The following ANXA13 variants were observed in gnomAD, a reference collection of about 807,000 sequenced individuals.
ANXA13 encodes annexin XIII.
A neutral mutation model predicts 46.6 loss-of-function variants in ANXA13; 36 were observed. The ratio of observed to expected loss-of-function variants is 0.77; its 90% CI spans 0.59 to 1.02. ANXA13 has a LOEUF of 1.02. Ranked by LOEUF, ANXA13 falls within the 50% of genes least tolerant of loss-of-function variation. The pLI is 0.00. For synonymous variants in ANXA13, 163 were observed against 152.9 expected, an observed-to-expected ratio of 1.07 and a Z score of -0.49; for missense variants, 417 against 396.5, an observed-to-expected ratio of 1.05 and a Z score of -0.44.
At chr8:123,720,839 G>C (rs1813854458) in intron 1 of ANXA13, among the ~76,000 whole-genome samples, 1 of 152,132 alleles carries the variant, frequency 6.6e-6, no homozygotes, top group Non-Finnish European at 1.5e-5. Context: ...CGCCTCATGT[G>C]ATCCTTCAGT....
chr8:123,722,272 T>G (rs1467911682), intron 1 of ANXA13, among the ~76,000 whole-genome samples: 1 of 149,606 alleles, frequency 6.7e-6, no homozygotes, highest in Non-Finnish European at 1.5e-5. Flanking sequence ...GTGGTTGCAC[T>G]ACTACACTCC....
chr8:123,701,554 T>C (rs969363157), intron 3 of ANXA13, among the ~76,000 whole-genome samples: 1 of 152,188 alleles, frequency 6.6e-6, no homozygotes, highest in Non-Finnish European at 1.5e-5. Flanking sequence ...GAACTGAAGA[T>C]GCACTTATTT....
At chr8:123,704,889 C>T (rs1344011145) in intron 2 of ANXA13, among the ~76,000 whole-genome samples, 1 of 152,204 alleles carries the variant, frequency 6.6e-6, no homozygotes, top group African/African-American at 2.4e-5. Context: ...CGACTTTCGC[C>T]CTTTGACTGA....
chr8:123,686,712 G>C (rs1402255716), intron 9 of ANXA13, among the ~76,000 whole-genome samples: 2 of 152,116 alleles, frequency 1.3e-5, no homozygotes, highest in Non-Finnish European at 2.9e-5. Flanking sequence ...TGATTCCAAG[G>C]TAGGGGGTCC....
At chr8:123,693,362 G>T in intron 7 of ANXA13, 64 bp from the exon 8 acceptor site, 2 of 1,415,976 alleles carry the variant, frequency 1.4e-6, no homozygotes. Context: ...ATGCAGTGCT[G>T]TGACTAGGCC....
intron 1 of ANXA13, among the ~76,000 whole-genome samples, chr8:123,724,534 G>A (rs769734129): frequency 4.7e-4 from 71 of 152,220 alleles, no homozygotes; most frequent in Admixed American, 6.5e-4. Context: ...AAAGGAGGAA[G>A]ACAACTTAGA....
At chr8:123,732,717 A>G (rs1430694081) in intron 1 of ANXA13, among the ~76,000 whole-genome samples, 3 of 151,374 alleles carry the variant, frequency 2.0e-5, no homozygotes, top group Non-Finnish European at 4.4e-5. Flanking sequence ...CCAAAAGGCC[A>G]AGATTGCATA....
intron 3 of ANXA13, among the ~76,000 whole-genome samples, chr8:123,701,416 G>A (rs1025365042): frequency 6.6e-6 from 1 of 152,160 alleles, no homozygotes; most frequent in African/African-American, 2.4e-5. Flanking sequence ...GTTACAGTGA[G>A]CCAAGATTAT....
intron 1 of ANXA13, among the ~76,000 whole-genome samples, chr8:123,725,719 T>C (rs1338813323): frequency 1.3e-5 from 2 of 152,236 alleles, no homozygotes; most frequent in East Asian, 3.8e-4. Context: ...TAAGCACAGT[T>C]TGAATACGAA....
chr8:123,720,409 T>C (rs1316060027), intron 1 of ANXA13, among the ~76,000 whole-genome samples: 1 of 152,176 alleles, frequency 6.6e-6, no homozygotes, highest in African/African-American at 2.4e-5. Flanking sequence ...CTGTTACCAT[T>C]GCCACTGTTG....
chr8:123,686,952 C>G (rs986671056), intron 9 of ANXA13, among the ~76,000 whole-genome samples: 3 of 152,136 alleles, frequency 2.0e-5, no homozygotes, highest in Admixed American at 2.0e-4. Context: ...GAGTACAGCT[C>G]TCTCTTGGAC....
chr8:123,687,207 C>A (rs1813156818), intron 9 of ANXA13, among the ~76,000 whole-genome samples: 2 of 152,094 alleles, frequency 1.3e-5, no homozygotes. Context: ...GTTTTAATAC[C>A]ATCTTCTGAC....
chr8:123,731,056 C>T (rs1814107846), intron 1 of ANXA13, among the ~76,000 whole-genome samples: 1 of 152,232 alleles, frequency 6.6e-6, no homozygotes, highest in South Asian at 2.1e-4. Flanking sequence ...TATGCTTCAA[C>T]TGTCATTCTC....
At chr8:123,723,121 G>C (rs1164952823) in intron 1 of ANXA13, among the ~76,000 whole-genome samples, 1 of 152,192 alleles carries the variant, frequency 6.6e-6, no homozygotes, top group Non-Finnish European at 1.5e-5. Flanking sequence ...CTCCCTGCTT[G>C]ACAGAATCTA....
chr8:123,725,384 C>A (rs1813963576), intron 1 of ANXA13, among the ~76,000 whole-genome samples: 1 of 152,152 alleles, frequency 6.6e-6, no homozygotes, highest in South Asian at 2.1e-4. Context: ...CTCAGGGTCA[C>A]CTTATGGAAA....
chr8:123,722,112 C>G (rs1434535363), intron 1 of ANXA13, among the ~76,000 whole-genome samples: 1 of 152,028 alleles, frequency 6.6e-6, no homozygotes, highest in Admixed American at 6.6e-5. Context: ...CAAGACCAGC[C>G]TGGGCAACAT....
chr8:123,716,249 C>A (rs916712067), intron 1 of ANXA13, among the ~76,000 whole-genome samples: 1 of 152,116 alleles, frequency 6.6e-6, no homozygotes, highest in African/African-American at 2.4e-5. Context: ...CCACGCCTGG[C>A]TAATTTTTGT....
rs201221955 is a variant in ANXA13 at position 123,684,695 on chromosome 8, T to C, written c.746A>G (p.Tyr249Cys). 80 of 1,613,814 alleles carry C rather than the reference T, an allele frequency of 5.0e-5. No individual in the cohort carries two copies. Among genetic ancestry groups the C allele is most frequent in the Middle Eastern group, 1.6e-4 (1 of 6,084 alleles). The change falls in exon 10 of 11, where the codon TAT becomes TGT. Residue 249 changes from tyrosine to cysteine, a missense_variant. Coordinates refer to ENST00000419625, the MANE Select transcript of ANXA13 (RefSeq NM_004306.4). ...CGACTTGTACAGACGTTCAGCAAAA[T>C]AGTCCTCACAATCCTGGGCACATCT... ...LVRCAQDCED[Y>C]FAERLYKSMK... is the part of the protein sequence containing the mutation.
intron 8 of ANXA13, 44 bp downstream of exon 8, chr8:123,693,153 C>G (rs921917495): frequency 3.9e-6 from 6 of 1,539,988 alleles, no homozygotes; most frequent in Non-Finnish European, 4.5e-6. Context: ...TAACTTAAGA[C>G]ACTTTCAGAG....
Sources: gnomAD v4.1 joint callset for allele counts (sites outside exome capture counted in the v4.1 genomes callset) on GRCh38, gnomAD v4.1.1 for gene constraint, MANE v1.5 for transcripts, NCBI Gene and HGNC (gene_info 2026-07-23, HGNC 2026-07-21) for gene names.